The following CHST13 variants were observed in gnomAD, a reference collection of about 807,000 sequenced individuals.
CHST13 encodes the protein carbohydrate sulfotransferase 13, also known as C4ST-3.
In CHST13, 1 loss-of-function variant was observed where a neutral mutation model predicts 7.0. That is an observed-to-expected ratio of 0.14 (90% confidence interval 0.05 to 0.68). The LOEUF (loss-of-function observed/expected upper bound fraction) is 0.68. Ranked by LOEUF, CHST13 falls within the 30% of genes least tolerant of loss-of-function variation. CHST13 has a pLI of 0.82. For synonymous variants in CHST13, 257 were observed against 240.9 expected (o/e 1.07, Z -0.62); for missense variants, 572 against 507.9 (o/e 1.13, Z -1.21).
At chr3:126,541,347 T>C (rs1475523338) in intron 2 of CHST13, among the ~76,000 whole-genome samples, 1 of 152,180 alleles carries the variant, frequency 6.6e-6, no homozygotes, top group Non-Finnish European at 1.5e-5. Context: ...CAATTGGGTG[T>C]GGAATTAAAC....
Position 126,542,782 on chromosome 3 carries a change from C to T in CHST13, c.*204C>T. On this transcript the variant is annotated 3_prime_UTR_variant, in exon 3 of 3. Coordinates refer to ENST00000319340, the MANE Select transcript of CHST13 (RefSeq NM_152889.3). ...TGGCCCTGCACGCGTGTGCCTGCCT[C>T]GGCCTGTCGCCTGAGGCCTGCTTCC... 1.5e-6 allele frequency: 1 copy of T among 652,064 alleles called. No homozygotes were observed. 40.4% of individuals were successfully genotyped at this position (652,064 alleles called of 1,614,324 possible).
intron 2 of CHST13, among the ~76,000 whole-genome samples, chr3:126,540,873 T>C (rs144944327): frequency 1.8e-4 from 27 of 152,340 alleles, no homozygotes; most frequent in African/African-American, 6.0e-4. Flanking sequence ...CAATTCCTAA[T>C]TGTCTTTTTA....
At position 126,542,868 on chromosome 3, in the gene CHST13, A is replaced by G; in HGVS notation, c.*290A>G. On this transcript the variant is annotated 3_prime_UTR_variant, in exon 3 of 3. Coordinates refer to ENST00000319340, the MANE Select transcript of CHST13 (RefSeq NM_152889.3). ...CCCGTAGATGGGCAAGGACTTGATA[A>G]CCAGGGTTTTAGGCTTTTAAAGGCC... The G allele has an allele frequency of 3.2e-6, 1 of 310,448 alleles. No individual in the cohort carries two copies. The highest frequency in any genetic ancestry group is 5.8e-6 in the Non-Finnish European group (1 of 171,214). 19.2% of individuals were successfully genotyped at this position (310,448 alleles called of 1,614,324 possible). A position where few individuals can be genotyped will look rare whatever the true frequency, so the allele number is the denominator to read the frequency against.
Position 126,524,193 on chromosome 3 carries a change from C to A in CHST13, c.-140C>A. 1 of 542,426 alleles carries A rather than the reference C, an allele frequency of 1.8e-6. No homozygotes were observed. Among genetic ancestry groups the A allele is most frequent in the Non-Finnish European group, 2.7e-6 (1 of 371,652 alleles). 33.6% of individuals were successfully genotyped at this position (542,426 alleles called of 1,614,324 possible). On this transcript the variant is annotated 5_prime_UTR_variant, in exon 1 of 3. Coordinates refer to ENST00000319340, the MANE Select transcript of CHST13 (RefSeq NM_152889.3). ...TCGCAGGGGCTGGTGGGGCTGGGGT[C>A]CAGCTGCCGTGCTCCCCTGCCCTGC...
At chr3:126,530,546 C>G (rs572785482) in intron 1 of CHST13, among the ~76,000 whole-genome samples, 1 of 152,358 alleles carries the variant, frequency 6.6e-6, no homozygotes, top group African/African-American at 2.4e-5. Context: ...GAAAGGGACA[C>G]GTCTCATCTG....
At chr3:126,530,280 T>C (rs189092161) in intron 1 of CHST13, among the ~76,000 whole-genome samples, 1 of 152,340 alleles carries the variant, frequency 6.6e-6, no homozygotes, top group East Asian at 1.9e-4. Context: ...TGCTCCCTTT[T>C]CCCTTCTACC....
At position 126,541,823 on chromosome 3, in the gene CHST13, C is replaced by CT. The variant is rs1386883192; in HGVS notation, c.272dup (p.Gln92ThrfsTer149). 1 of 1,566,176 alleles carries CT rather than the reference C, an allele frequency of 6.4e-7. No homozygotes were observed. The highest frequency in any genetic ancestry group is 1.4e-5 in the African/African-American group (1 of 73,064). ...CCGCCACTCACGCCGGCAGCGCCTG[C>CT]TACAGCCGGAGGACCTGCGGCACGT... is the stretch of plus-strand genomic sequence containing the variant. On this transcript the variant is annotated frameshift_variant, in exon 3 of 3. Coordinates refer to ENST00000319340, the MANE Select transcript of CHST13 (RefSeq NM_152889.3). LOFTEE classifies it low-confidence loss of function (END_TRUNC).
At chr3:126,525,596 G>C (rs903868354) in intron 1 of CHST13, among the ~76,000 whole-genome samples, 1 of 152,154 alleles carries the variant, frequency 6.6e-6, no homozygotes, top group Non-Finnish European at 1.5e-5. Flanking sequence ...CTGGGGTGTG[G>C]ACTCAGTGTC....
In CHST13 at chr3:126,542,303, C is replaced by G; in HGVS notation, c.751C>G (p.His251Asp). 1 of 1,567,814 alleles carries G rather than the reference C, an allele frequency of 6.4e-7. No individual in the cohort carries two copies. Among genetic ancestry groups the G allele is most frequent in the Non-Finnish European group, 8.6e-7 (1 of 1,161,066 alleles). Residue 251 changes from histidine to aspartate, a missense_variant, in exon 3 of 3, where the codon CAC becomes GAC. Physicochemically the swap from His to Asp is moderately conservative, Grantham distance 81. Transcript: ENST00000319340. ...EPFNEHWERA[H>D]ALCHPCRLRY... ...CTTCAACGAGCACTGGGAGCGCGCG[C>G]ACGCGCTCTGCCACCCGTGTCGCCT... is the stretch of plus-strand genomic sequence containing the variant.
At chr3:126,531,199 C>A (rs1936652290) in intron 1 of CHST13, among the ~76,000 whole-genome samples, 1 of 152,252 alleles carries the variant, frequency 6.6e-6, no homozygotes, top group Non-Finnish European at 1.5e-5. Flanking sequence ...GATTCTTGGG[C>A]CCCACCCCCC....
intron 2 of CHST13, among the ~76,000 whole-genome samples, chr3:126,539,603 C>A (rs1936883633): frequency 7.0e-6 from 1 of 141,860 alleles, no homozygotes; most frequent in Non-Finnish European, 1.5e-5. Context: ...ACACCCCACA[C>A]ACTCCACACC....
Position 126,524,251 on chromosome 3 carries a change from G to GCCGGGGCCGGGT in CHST13, c.-79_-68dup. The GCCGGGGCCGGGT allele has an allele frequency of 9.2e-7, 1 of 1,091,508 alleles. No homozygotes were observed. Among genetic ancestry groups the GCCGGGGCCGGGT allele is most frequent in the Non-Finnish European group, 1.1e-6 (1 of 870,218 alleles). The allele number at this position is 1,091,508 out of a possible 1,614,324, so 67.6% of individuals were successfully genotyped here. The stretch of plus-strand genomic sequence containing the variant: ...CGCGCGTCTTGGTAGGCGCTGCGCT[G>GCCGGGGCCGGGT]CCGGGGCCGGGTCCTGGGCCAGTGC... On this transcript the variant is annotated 5_prime_UTR_variant, in exon 1 of 3. Transcript: ENST00000319340.
rs1434257778 is a variant in CHST13 at position 126,524,275 on chromosome 3, G to GC, written c.-57dup. On this transcript the variant is annotated 5_prime_UTR_variant, in exon 1 of 3. Coordinates refer to ENST00000319340, the MANE Select transcript of CHST13 (RefSeq NM_152889.3). Reference sequence around the variant, plus strand: ...TGCCGGGGCCGGGTCCTGGGCCAGTGCAACTCCGCCCCCAGCCGTATCCAG... The same window carrying GC: ...TGCCGGGGCCGGGTCCTGGGCCAGTGCCAACTCCGCCCCCAGCCGTATCCAG... 1 of 1,202,170 alleles carries GC rather than the reference G, an allele frequency of 8.3e-7. No homozygotes were observed. The highest frequency in any genetic ancestry group is 1.6e-5 in the African/African-American group (1 of 63,014). 74.5% of individuals were successfully genotyped at this position (1,202,170 alleles called of 1,614,324 possible). A position where few individuals can be genotyped will look rare whatever the true frequency, so the allele number is the denominator to read the frequency against.
chr3:126,531,501 A>G (rs965288590), intron 1 of CHST13, among the ~76,000 whole-genome samples: 2 of 152,224 alleles, frequency 1.3e-5, no homozygotes, highest in African/African-American at 2.4e-5. Context: ...TGAATATTCA[A>G]TGTTCTTATG....
intron 2 of CHST13, among the ~76,000 whole-genome samples, chr3:126,539,733 C>T (rs1404160641): frequency 8.3e-6 from 1 of 120,166 alleles, no homozygotes; most frequent in Non-Finnish European, 1.7e-5. Flanking sequence ...CCCCACACCA[C>T]ACACACACCC....
rs1369905045 is a variant in CHST13 at position 126,542,567 on chromosome 3, C to T, written c.1015C>T (p.Arg339Trp). The stretch of plus-strand genomic sequence containing the variant: ...CAACTACTCCGCCCCCTCCTACCTG[C>T]GGCTGCTCTAGCGGTCCTGGAGGTC... ...LFNYSAPSYL[R>W]LL Residue 339 changes from arginine (R) to tryptophan (W), a missense_variant, in exon 3 of 3, where the codon CGG becomes TGG. Arg to Trp is a moderately radical substitution (Grantham distance 101). Transcript: ENST00000319340. 2 of 1,494,362 alleles carry T rather than the reference C, an allele frequency of 1.3e-6. No homozygotes were observed. The highest frequency in any genetic ancestry group is 1.8e-6 in the Non-Finnish European group (2 of 1,125,576). 92.6% of individuals were successfully genotyped at this position (1,494,362 alleles called of 1,614,324 possible). A position where few individuals can be genotyped will look rare whatever the true frequency, so the allele number is the denominator to read the frequency against.
chr3:126,540,606 G>A (rs1217400432), intron 2 of CHST13, among the ~76,000 whole-genome samples: 3 of 152,206 alleles, frequency 2.0e-5, no homozygotes, highest in Non-Finnish European at 4.4e-5. Flanking sequence ...TTGCATGGAT[G>A]GCCGCATACA....
chr3:126,535,988 G>A (rs553039144), intron 1 of CHST13, among the ~76,000 whole-genome samples: 2 of 152,326 alleles, frequency 1.3e-5, no homozygotes, highest in East Asian at 3.9e-4. Context: ...TTGGTGGGCT[G>A]GGTATCACCT....
At chr3:126,532,123 G>T (rs1262905971) in intron 1 of CHST13, among the ~76,000 whole-genome samples, 5 of 152,116 alleles carry the variant, frequency 3.3e-5, no homozygotes, top group African/African-American at 1.2e-4. Flanking sequence ...GTTGTCTTTT[G>T]TTGTTCCATT....
Sources: allele counts gnomAD v4.1 joint callset (sites outside exome capture counted in the v4.1 genomes callset), GRCh38; gene constraint gnomAD v4.1.1; transcripts MANE v1.5; gene names NCBI Gene and HGNC (gene_info 2026-07-23, HGNC 2026-07-21).